HCRTR2: variants seen among roughly 807,000 people sequenced by gnomAD.
HCRTR2 encodes orexin receptor type 2.
In HCRTR2, 22 loss-of-function variants were observed where a neutral mutation model predicts 49.0. The observed-to-expected ratio is 0.45, with a 90% CI of 0.32 to 0.64. HCRTR2 has a LOEUF of 0.64. Ranked by LOEUF, HCRTR2 falls within the 30% of genes least tolerant of loss-of-function variation. The probability of loss-of-function intolerance (pLI) is 0.04; values close to 1 mark genes in which losing one functional copy is unlikely to be tolerated. For synonymous variants in HCRTR2, 236 were observed against 205.3 expected, an observed-to-expected ratio of 1.15 and a Z score of -1.28; for missense variants, 491 against 559.4, an observed-to-expected ratio of 0.88 and a Z score of 1.23.
At chr6:55,136,056 C>A (rs1245550399) in intron 1 of HCRTR2, among the ~76,000 whole-genome samples, 1 of 152,066 alleles carries the variant, frequency 6.6e-6, no homozygotes, top group Non-Finnish European at 1.5e-5. Flanking sequence ...TGCCTAGAAG[C>A]TTTGCTGGTC....
At chr6:55,175,539 C>A (rs1301093881) in intron 1 of HCRTR2, among the ~76,000 whole-genome samples, 3 of 151,872 alleles carry the variant, frequency 2.0e-5, no homozygotes, top group Non-Finnish European at 2.9e-5. Context: ...TGCTTGTTGC[C>A]AGGCTCAGGA....
chr6:55,213,922 G>A (rs905856129), intron 1 of HCRTR2, among the ~76,000 whole-genome samples: 9 of 151,732 alleles, frequency 5.9e-5, no homozygotes, highest in African/African-American at 2.2e-4. Flanking sequence ...TTTTTCCTGG[G>A]GAGAGAAAGA....
At position 55,255,397 on chromosome 6, in the gene HCRTR2, C is replaced by G; in HGVS notation, c.646+18C>G. 3 of 1,613,560 alleles carry G rather than the reference C, an allele frequency of 1.9e-6. No individual in the cohort carries two copies. Among genetic ancestry groups the G allele is most frequent in the Non-Finnish European group, 2.5e-6 (3 of 1,179,722 alleles). ...CTGGGGTGGTAAGTACCTTATGGCCCATCAACTGACATTTATATTACAGCA... is the reference window on the plus strand; with the variant it reads ...CTGGGGTGGTAAGTACCTTATGGCCGATCAACTGACATTTATATTACAGCA... On this transcript the variant is annotated intron_variant, in intron 3 of 6. Coordinates refer to ENST00000370862, the MANE Select transcript of HCRTR2 (RefSeq NM_001384272.1).
intron 1 of HCRTR2, among the ~76,000 whole-genome samples, chr6:55,245,597 C>G (rs1411417384): frequency 1.3e-5 from 2 of 150,072 alleles, no homozygotes; most frequent in Admixed American, 1.3e-4. Context: ...AATCATCCTT[C>G]TCATTGTTGC....
At chr6:55,268,100 T>C (rs998156348) in intron 4 of HCRTR2, among the ~76,000 whole-genome samples, 8 of 152,192 alleles carry the variant, frequency 5.3e-5, no homozygotes, top group Admixed American at 4.6e-4. Context: ...TGTTTTATAC[T>C]ATTGAAATTA....
At chr6:55,174,842 G>T (rs1765010654) in intron 1 of HCRTR2, 32 bp downstream of exon 1, 3 of 1,567,284 alleles carry the variant, frequency 1.9e-6, no homozygotes, top group Non-Finnish European at 2.6e-6. Flanking sequence ...CCTCCTAGGG[G>T]CTATCACCCC....
intron 1 of HCRTR2, among the ~76,000 whole-genome samples, chr6:55,111,335 T>C (rs1421100349): frequency 1.4e-5 from 2 of 141,398 alleles, no homozygotes; most frequent in South Asian, 2.2e-4. Flanking sequence ...CAGAACTGAA[T>C]GAAATTGAAA....
rs560144727 is a variant in HCRTR2 at position 55,123,293 on chromosome 6, A to G, written c.-378+16748A>G. On this transcript the variant is annotated intron_variant, in intron 1 of 7. Coordinates refer to the HCRTR2 transcript ENST00000615358. ...CATAAATAGCTCTTTTTTTTGAGAC[A>G]TGTTCCATCAATACCTAGTTTATTG... is the stretch of plus-strand genomic sequence containing the variant. 2.6e-3 allele frequency among the ~76,000 whole-genome samples: 393 copies of G among 152,060 alleles called. 1 individual carries two copies. The highest frequency in any genetic ancestry group is 6.2e-3 in the Admixed American group (95 of 15,236).
chr6:55,195,892 C>A (rs1218681283), intron 1 of HCRTR2, among the ~76,000 whole-genome samples: 25 of 152,058 alleles, frequency 1.6e-4, no homozygotes, highest in Admixed American at 1.6e-3. Flanking sequence ...GGCATGAACC[C>A]AGGAGGCAGA....
intron 4 of HCRTR2, among the ~76,000 whole-genome samples, chr6:55,270,937 T>C (rs1027390031): frequency 6.6e-6 from 1 of 152,162 alleles, no homozygotes; most frequent in African/African-American, 2.4e-5. Context: ...TGTTTATGGA[T>C]TGGAAGATTC....
intron 1 of HCRTR2, among the ~76,000 whole-genome samples, chr6:55,241,056 C>G (rs544687054): frequency 4.9e-4 from 74 of 151,492 alleles, no homozygotes; most frequent in African/African-American, 1.7e-3. Flanking sequence ...ATGTGCCATG[C>G]TGGTGTGCTG....
At chr6:55,235,590 G>A (rs77784057) in intron 1 of HCRTR2, among the ~76,000 whole-genome samples, 6,200 of 152,000 alleles carry the variant, frequency 0.041, 173 homozygotes, top group Middle Eastern at 0.085. Context: ...TCTTATCAAT[G>A]GGAATTTTAT....
In HCRTR2 at chr6:55,210,204, ATTTAAAG is replaced by A. The variant is rs533615798; in HGVS notation, c.223+35396_223+35402del. 7.1e-4 allele frequency among the ~76,000 whole-genome samples: 108 copies of A among 152,296 alleles called. 3 individuals carry two copies. The South Asian group carries it at 0.017, about 24-fold the overall frequency. ...TGTTATTTCTTAGGCAGGTATGCTT[ATTTAAAG>A]TATGTATGCATACATACTTTAAACT... On this transcript the variant is annotated intron_variant, in intron 1 of 6. Coordinates refer to ENST00000370862, the MANE Select transcript of HCRTR2 (RefSeq NM_001384272.1).
intron 1 of HCRTR2, among the ~76,000 whole-genome samples, chr6:55,137,581 C>A (rs1047437868): frequency 6.6e-6 from 1 of 152,034 alleles, no homozygotes; most frequent in Non-Finnish European, 1.5e-5. Context: ...ACTCAGGAAA[C>A]CTGAGAGAGT....
chr6:55,158,023 G>A (rs1186716253), intron 1 of HCRTR2, among the ~76,000 whole-genome samples: 1 of 152,190 alleles, frequency 6.6e-6, no homozygotes, highest in Non-Finnish European at 1.5e-5. Context: ...TGGCAAGATG[G>A]CTGAATAGGA....
intron 1 of HCRTR2, among the ~76,000 whole-genome samples, chr6:55,203,974 T>C (rs1400609016): frequency 6.6e-6 from 1 of 152,194 alleles, no homozygotes; most frequent in Non-Finnish European, 1.5e-5. Context: ...ACTCTTTTGC[T>C]GAATTGAAAA....
intron 1 of HCRTR2, among the ~76,000 whole-genome samples, chr6:55,187,411 CAAAAAAAAAAAAAAAA>C (rs57619664): frequency 3.0e-5 from 3 of 98,394 alleles, no homozygotes; most frequent in East Asian, 6.1e-4. Flanking sequence ...GACTCCGTCT[CAAAAAAAAAAAAAAAA>C]AAAAAAAAAA....
chr6:55,143,520 C>T (rs1167492461), intron 1 of HCRTR2, among the ~76,000 whole-genome samples: 1 of 152,186 alleles, frequency 6.6e-6, no homozygotes, highest in East Asian at 1.9e-4. Flanking sequence ...AAAATGTTTT[C>T]TATTCCTTTT....
intron 3 of HCRTR2, among the ~76,000 whole-genome samples, chr6:55,259,745 AC>A (rs1223373720): frequency 2.0e-5 from 3 of 151,992 alleles, no homozygotes; most frequent in Non-Finnish European, 2.9e-5. Context: ...AATATTTAAA[AC>A]TTTTTTAAAT....
Sources: gnomAD v4.1 joint callset for allele counts (sites outside exome capture counted in the v4.1 genomes callset) on GRCh38, gnomAD v4.1.1 for gene constraint, MANE v1.5 for transcripts, NCBI Gene and HGNC (gene_info 2026-07-23, HGNC 2026-07-21) for gene names.